NAV2: variants seen among roughly 807,000 people sequenced by gnomAD.
NAV2 encodes neuron navigator 2, also known as helicase, APC down-regulated 1.
Under a neutral mutation model 223.2 loss-of-function variants are expected in NAV2, and 54 were observed. The observed-to-expected ratio is 0.24, with a 90% CI of 0.19 to 0.30. The LOEUF (loss-of-function observed/expected upper bound fraction) is 0.30, where lower values mean the gene tolerates loss of function less well. Ranked by LOEUF, NAV2 falls within the 10% of genes least tolerant of loss-of-function variation. NAV2 has a pLI of 1.00. For missense variants in NAV2, 2,806 were observed against 3,147.5 expected (o/e 0.89, Z 2.60); for synonymous variants, 1,279 against 1,239.3 (o/e 1.03, Z -0.67).
intron 1 of NAV2, among the ~76,000 whole-genome samples, chr11:19,582,083 T>C (rs1240616076): frequency 6.6e-6 from 1 of 152,252 alleles, no homozygotes; most frequent in African/African-American, 2.4e-5. Context: ...GGTATCTCAT[T>C]GTGGTTTTGA....
At chr11:19,730,062 G>A (rs925674623) in intron 1 of NAV2, among the ~76,000 whole-genome samples, 31 of 152,342 alleles carry the variant, frequency 2.0e-4, no homozygotes, top group African/African-American at 7.5e-4. Context: ...GCTTTACACA[G>A]CCAGGATTTG....
chr11:19,347,330 C>T (rs1484432128), upstream of NAV2, among the ~76,000 whole-genome samples: 1 of 152,128 alleles, frequency 6.6e-6, no homozygotes, highest in East Asian at 1.9e-4. Context: ...CTGAAGGATG[C>T]CTCTACCTCT....
chr11:19,583,486 C>G (rs1043216756), intron 1 of NAV2, among the ~76,000 whole-genome samples: 1 of 152,144 alleles, frequency 6.6e-6, no homozygotes, highest in Admixed American at 6.5e-5. Flanking sequence ...CCAGTTTTTG[C>G]CCATTCAGTG....
chr11:19,435,236 C>T (rs1851174635), intron 1 of NAV2, among the ~76,000 whole-genome samples: 1 of 152,108 alleles, frequency 6.6e-6, no homozygotes, highest in African/African-American at 2.4e-5. Context: ...CCTTTCCCAC[C>T]CCACCACCAG....
intron 1 of NAV2, among the ~76,000 whole-genome samples, chr11:19,663,979 C>T (rs575464388): frequency 6.6e-6 from 1 of 152,332 alleles, no homozygotes; most frequent in East Asian, 1.9e-4. Flanking sequence ...TCCTTCCTGC[C>T]AAGCCCAGAC....
intron 1 of NAV2, among the ~76,000 whole-genome samples, chr11:19,647,856 A>G (rs78371666): frequency 0.01 from 1,536 of 152,334 alleles, 37 homozygotes; most frequent in East Asian, 0.064. Flanking sequence ...GTTAGCGGTC[A>G]TTGAGCTCCT....
At chr11:19,423,815 CA>C (rs1850714286) in intron 1 of NAV2, among the ~76,000 whole-genome samples, 1 of 152,128 alleles carries the variant, frequency 6.6e-6, no homozygotes, top group South Asian at 2.1e-4. Context: ...TATTTGGGGC[CA>C]GGGGAGACTT....
At chr11:19,560,366 G>C (rs1050817919) in intron 1 of NAV2, among the ~76,000 whole-genome samples, 1 of 152,154 alleles carries the variant, frequency 6.6e-6, no homozygotes, top group African/African-American at 2.4e-5. Flanking sequence ...GGATGGCTTT[G>C]GAATCAAACT....
chr11:19,513,040 C>T (rs1271636997), intron 1 of NAV2, among the ~76,000 whole-genome samples: 3 of 152,070 alleles, frequency 2.0e-5, no homozygotes, highest in East Asian at 1.9e-4. Flanking sequence ...GGGGCAGGGG[C>T]GGTGTGGAGG....
chr11:19,569,330 A>T (rs1457731583), intron 1 of NAV2, among the ~76,000 whole-genome samples: 5 of 152,024 alleles, frequency 3.3e-5, no homozygotes, highest in African/African-American at 9.7e-5. Context: ...TCTTGATCCC[A>T]TCTCAAGCTG....
intron 1 of NAV2, among the ~76,000 whole-genome samples, chr11:19,757,954 A>T (rs575509129): frequency 3.3e-5 from 5 of 152,314 alleles, no homozygotes; most frequent in Admixed American, 6.5e-5. Flanking sequence ...TGTCATCATT[A>T]TCATTACCAT....
intron 1 of NAV2, among the ~76,000 whole-genome samples, chr11:19,483,435 C>T (rs570542114): frequency 6.6e-6 from 1 of 152,268 alleles, no homozygotes; most frequent in East Asian, 1.9e-4. Flanking sequence ...CATTATTGCA[C>T]TTAATAGTGA....
intron 1 of NAV2, among the ~76,000 whole-genome samples, chr11:19,426,168 GC>G (rs879943346): frequency 1.3e-5 from 2 of 152,158 alleles, no homozygotes. Flanking sequence ...AAATTTGACA[GC>G]TTCCTGCCTG....
At chr11:19,679,475 T>C (rs1329273183) in intron 1 of NAV2, among the ~76,000 whole-genome samples, 1 of 151,802 alleles carries the variant, frequency 6.6e-6, no homozygotes, top group Non-Finnish European at 1.5e-5. Context: ...TGCCCCTCTG[T>C]TTTTTCTTCA....
At chr11:19,504,543 T>C (rs1185854574) in intron 1 of NAV2, 3 of 152,190 alleles carry the variant, frequency 2.0e-5, no homozygotes, top group African/African-American at 7.2e-5. Context: ...GACCACTCTT[T>C]AGGATTTTCA....
chr11:19,873,669 C>T (rs1253024937), intron 4 of NAV2, among the ~76,000 whole-genome samples: 6 of 152,044 alleles, frequency 3.9e-5, no homozygotes, highest in Non-Finnish European at 7.4e-5. Flanking sequence ...TGGACCCGTA[C>T]GGTGAAAGCA....
intron 6 of NAV2, among the ~76,000 whole-genome samples, chr11:19,918,492 T>C (rs2043995371): frequency 6.6e-6 from 1 of 152,232 alleles, no homozygotes; most frequent in Admixed American, 6.5e-5. Context: ...ATTCACGACG[T>C]GCAACTGAAT....
chr11:19,831,141 A>T (rs2059905576), intron 1 of NAV2, among the ~76,000 whole-genome samples: 1 of 143,738 alleles, frequency 7.0e-6, no homozygotes, highest in Non-Finnish European at 1.5e-5. Flanking sequence ...CCCCAGGTGG[A>T]GTAGCCAGAG....
intron 29 of NAV2, among the ~76,000 whole-genome samples, chr11:20,094,600 C>T (rs897739152): frequency 3.9e-5 from 6 of 152,152 alleles, no homozygotes; most frequent in Admixed American, 1.3e-4. Context: ...TCAATATGAA[C>T]ACATAGAGCA....
Sources: allele counts gnomAD v4.1 joint callset (sites outside exome capture counted in the v4.1 genomes callset), GRCh38; gene constraint gnomAD v4.1.1; transcripts MANE v1.5; gene names NCBI Gene and HGNC (gene_info 2026-07-23, HGNC 2026-07-21).